GALNT15: variants seen among roughly 807,000 people sequenced by gnomAD.
GALNT15 encodes the protein UDP-GalNAc transferase T15.
A neutral mutation model predicts 66.8 loss-of-function variants in GALNT15; 67 were observed. The ratio of observed to expected loss-of-function variants is 1.00; its 90% CI spans 0.82 to 1.23. The LOEUF (loss-of-function observed/expected upper bound fraction) is 1.23. Among genes scored for constraint, GALNT15 ranks in the 50% most tolerant of loss-of-function variants. GALNT15 has a pLI of 0.00. For missense variants in GALNT15, 827 were observed against 804.3 expected (o/e 1.03, Z -0.34); for synonymous variants, 313 against 311.5 (o/e 1.00, Z -0.05).
At chr3:16,201,901 A>G (rs974854679) in intron 3 of GALNT15, among the ~76,000 whole-genome samples, 1 of 152,230 alleles carries the variant, frequency 6.6e-6, no homozygotes, top group African/African-American at 2.4e-5. Context: ...CCTCAGGCAT[A>G]CCACTTGGAG....
At position 16,186,188 on chromosome 3, in the gene GALNT15, C is replaced by T. The variant is rs986731004; in HGVS notation, c.540-9572C>T. Among the ~76,000 whole-genome samples, 1 of 152,042 alleles carries T rather than the reference C, an allele frequency of 6.6e-6. No homozygotes were observed. The highest frequency in any genetic ancestry group is 1.5e-5 in the Non-Finnish European group (1 of 68,006). On this transcript the variant is annotated intron_variant, in intron 1 of 9. Transcript: ENST00000339732. The surrounding 1 kb of genome is among the most constrained non-coding windows in gnomAD (Gnocchi z 5.1). ...AGACATAAAAATGGTCAATAGCACA[C>T]GAAAAGATGTTCAAATCATTAGTCA...
rs765396757 is a variant in GALNT15 at position 16,219,377 on chromosome 3, C to T, written c.1393-26C>T. The T allele has an allele frequency of 6.2e-7, 1 of 1,611,924 alleles. No individual in the cohort carries two copies. The highest frequency in any genetic ancestry group is 8.5e-7 in the Non-Finnish European group (1 of 1,178,890). On this transcript the variant is annotated intron_variant, in intron 6 of 9. Transcript: ENST00000339732. The surrounding 1 kb of genome is among the most constrained non-coding windows in gnomAD (Gnocchi z 4.3). Reference sequence around the variant, plus strand: ...TCTGGGCAAGACAAGCTTTCATCATCCTGCTTGTGTCTTTCTCCTCCCCAG... The same window carrying T: ...TCTGGGCAAGACAAGCTTTCATCATTCTGCTTGTGTCTTTCTCCTCCCCAG...
the GALNT15 span, among the ~76,000 whole-genome samples, chr3:16,245,221 G>A: frequency 2.0e-5 from 3 of 152,088 alleles, no homozygotes; most frequent in South Asian, 2.1e-4. Context: ...TTATATTGGC[G>A]CCTCCTTCTG....
Position 16,200,274 on chromosome 3 carries a change from C to A in GALNT15, c.707-345C>A, listed in dbSNP as rs11128787. The stretch of plus-strand genomic sequence containing the variant: ...GCCACATAGGGATTATGGGGATTAC[C>A]ACTCAAGATGAGATCTGGGTGGGGA... On this transcript the variant is annotated intron_variant, in intron 2 of 9. Transcript: ENST00000339732. This position sits in a 1 kb window ranked among gnomAD's most constrained non-coding sequence, Gnocchi z 4.4. Among the ~76,000 whole-genome samples the A allele has an allele frequency of 0.88, 133,533 of 152,042 alleles. 59,076 individuals carry two copies. Among genetic ancestry groups the A allele is most frequent in the East Asian group, 0.99 (5,150 of 5,176 alleles).
At chr3:16,208,401 G>T (rs567502162) in intron 3 of GALNT15, 102 bp from the exon 4 acceptor site, 5 of 1,122,792 alleles carry the variant, frequency 4.5e-6, no homozygotes, top group Admixed American at 2.1e-5. Flanking sequence ...TTAGGTACGG[G>T]TGTCTGGTAG....
At position 16,193,150 on chromosome 3, in the gene GALNT15, A is replaced by T. The variant is rs1440176743; in HGVS notation, c.540-2610A>T. ...GAATTGAAAGAAAAAATTACTAGAA[A>T]GAGTGTTGCTTTCCCCAAAAACCTT... On this transcript the variant is annotated intron_variant, in intron 1 of 9. Transcript: ENST00000339732. This position sits in a 1 kb window ranked among gnomAD's most constrained non-coding sequence, Gnocchi z 4.7. Among the ~76,000 whole-genome samples the T allele has an allele frequency of 6.6e-6, 1 of 152,226 alleles. No individual in the cohort carries two copies. The highest frequency in any genetic ancestry group is 1.5e-5 in the Non-Finnish European group (1 of 68,038).
chr3:16,199,024 C>G (rs1184496468), intron 2 of GALNT15, among the ~76,000 whole-genome samples: 1 of 142,710 alleles, frequency 7.0e-6, no homozygotes, highest in Non-Finnish European at 1.6e-5. Flanking sequence ...AGGCCCTGCA[C>G]TAAGGGTTAG....
the GALNT15 span, among the ~76,000 whole-genome samples, chr3:16,246,191 C>T: frequency 2.6e-5 from 4 of 152,150 alleles, no homozygotes; most frequent in Non-Finnish European, 4.4e-5. Flanking sequence ...CGCAAGTTGG[C>T]CCCTACAACC....
At chr3:16,210,597 T>C (rs943732182) in intron 4 of GALNT15, among the ~76,000 whole-genome samples, 2 of 152,244 alleles carry the variant, frequency 1.3e-5, no homozygotes, top group Non-Finnish European at 2.9e-5. Context: ...CTTGTGTTTA[T>C]AAATCATGTA....
chr3:16,196,172 C>G (rs12632481), intron 2 of GALNT15, among the ~76,000 whole-genome samples: 3 of 152,204 alleles, frequency 2.0e-5, no homozygotes, highest in East Asian at 3.9e-4. Flanking sequence ...TGGGGAGGGT[C>G]TTGAGGGGTG....
At chr3:16,245,185 A>G in the GALNT15 span, among the ~76,000 whole-genome samples, 1 of 152,214 alleles carries the variant, frequency 6.6e-6, no homozygotes, top group East Asian at 1.9e-4. Context: ...GGGTCAACAG[A>G]ATCAAGTGGC....
In GALNT15 at chr3:16,199,675, A is replaced by G. The variant is rs953228049; in HGVS notation, c.707-944A>G. Among the ~76,000 whole-genome samples the G allele has an allele frequency of 1.0e-4, 10 of 97,362 alleles. 1 individual carries two copies. The highest frequency in any genetic ancestry group is 1.4e-4 in the Non-Finnish European group (6 of 43,098). The allele number at this position is 97,362 out of a possible 152,430, so 63.9% of individuals were successfully genotyped here. Reference sequence around the variant, plus strand: ...AAATATGTGGTTTCAGGTGAAGTCCAGCCATAGCCTGATCCCATGGGGGAC... The same window carrying G: ...AAATATGTGGTTTCAGGTGAAGTCCGGCCATAGCCTGATCCCATGGGGGAC... On this transcript the variant is annotated intron_variant, in intron 2 of 9. Transcript: ENST00000339732.
rs1374447338 is a variant in GALNT15, at chr3:16,211,279, C to A, written c.1197+38C>A. On this transcript the variant is annotated intron_variant, in intron 5 of 9. Transcript: ENST00000339732. This position sits in a 1 kb window ranked among gnomAD's most constrained non-coding sequence, Gnocchi z 4.3. ...CCAAGGGAGGACAGAGGTGGGATCT[C>A]TGGAGTGGTGTGTATGGTCACAGCT... 7.5e-7 allele frequency: 1 copy of A among 1,331,432 alleles called. No individual in the cohort carries two copies. The highest frequency in any genetic ancestry group is 1.1e-6 in the Non-Finnish European group (1 of 922,652). 82.5% of individuals were successfully genotyped at this position (1,331,432 alleles called of 1,614,324 possible). A position where few individuals can be genotyped will look rare whatever the true frequency, so the allele number is the denominator to read the frequency against.
the GALNT15 span, chr3:16,243,880 G>A: frequency 2.6e-6 from 1 of 382,916 alleles, no homozygotes; most frequent in Non-Finnish European, 3.6e-6. Context: ...GTGTGGTCTT[G>A]TTGTCTCACT....
At position 16,188,138 on chromosome 3, in the gene GALNT15, C is replaced by T. The variant is rs1030727594; in HGVS notation, c.540-7622C>T. ...CTAGCACATCTAGCCTCACGCTCTTCCCCCCAGACCATTATCCTGGCTCCG... is the reference window on the plus strand; with the variant it reads ...CTAGCACATCTAGCCTCACGCTCTTTCCCCCAGACCATTATCCTGGCTCCG... On this transcript the variant is annotated intron_variant, in intron 1 of 9. Transcript: ENST00000339732. This position sits in a 1 kb window ranked among gnomAD's most constrained non-coding sequence, Gnocchi z 4.6. Among the ~76,000 whole-genome samples the T allele has an allele frequency of 6.6e-6, 1 of 152,160 alleles. No individual in the cohort carries two copies. Among genetic ancestry groups the T allele is most frequent in the Admixed American group, 6.5e-5 (1 of 15,280 alleles).
In GALNT15 at chr3:16,176,877, G is replaced by A. The variant is rs1256948791; in HGVS notation, c.539+1187G>A. 6.6e-6 allele frequency among the ~76,000 whole-genome samples: 1 copy of A among 152,120 alleles called. No individual in the cohort carries two copies. Among genetic ancestry groups the A allele is most frequent in the Non-Finnish European group, 1.5e-5 (1 of 68,034 alleles). ...ACACTCGAGGGTGTGCAATTGCAGGGTCAGCAGCCGGGAGTGAACATCTCC... is the reference window on the plus strand; with the variant it reads ...ACACTCGAGGGTGTGCAATTGCAGGATCAGCAGCCGGGAGTGAACATCTCC... On this transcript the variant is annotated intron_variant, in intron 1 of 9. Coordinates refer to ENST00000339732, the MANE Select transcript of GALNT15 (RefSeq NM_054110.5). The surrounding 1 kb of genome is among the most constrained non-coding windows in gnomAD (Gnocchi z 5.6).
the GALNT15 span, among the ~76,000 whole-genome samples, chr3:16,241,740 G>C: frequency 6.6e-6 from 1 of 152,094 alleles, no homozygotes; most frequent in East Asian, 1.9e-4. The surrounding 1 kb of genome is among the most constrained non-coding windows in gnomAD (Gnocchi z 4.6). Flanking sequence ...TAGACATGGG[G>C]TTTCACCTTG....
rs1468344021 is a variant in GALNT15 at position 16,181,095 on chromosome 3, G to A, written c.539+5405G>A. On this transcript the variant is annotated intron_variant, in intron 1 of 9. Coordinates refer to ENST00000339732, the MANE Select transcript of GALNT15 (RefSeq NM_054110.5). This position sits in a 1 kb window ranked among gnomAD's most constrained non-coding sequence, Gnocchi z 5.9. ...ATATTCTTGAGTAAATGGCCTAGGAGTAAGTTGGAGTGATGGAGAAAAATG... is the reference window on the plus strand; with the variant it reads ...ATATTCTTGAGTAAATGGCCTAGGAATAAGTTGGAGTGATGGAGAAAAATG... Among the ~76,000 whole-genome samples the A allele has an allele frequency of 6.6e-6, 1 of 152,208 alleles. No individual in the cohort carries two copies. The highest frequency in any genetic ancestry group is 1.9e-4 in the East Asian group (1 of 5,192).
rs1215447342 is a variant in GALNT15, at chr3:16,193,551, C to T, written c.540-2209C>T. ...GGAATTCTGCTTACCATTACCTAGA[C>T]TCAATTCTCCCTCTCTACACAGGAT... is the stretch of plus-strand genomic sequence containing the variant. On this transcript the variant is annotated intron_variant, in intron 1 of 9. Coordinates refer to ENST00000339732, the MANE Select transcript of GALNT15 (RefSeq NM_054110.5). The surrounding 1 kb of genome is among the most constrained non-coding windows in gnomAD (Gnocchi z 4.7). 6.6e-6 allele frequency among the ~76,000 whole-genome samples: 1 copy of T among 152,134 alleles called. No individual in the cohort carries two copies. Among genetic ancestry groups the T allele is most frequent in the African/African-American group, 2.4e-5 (1 of 41,436 alleles).
Sources: allele counts gnomAD v4.1 joint callset (sites outside exome capture counted in the v4.1 genomes callset), GRCh38; gene constraint gnomAD v4.1.1; non-coding constraint Gnocchi (gnomAD v3.1); transcripts MANE v1.5; gene names NCBI Gene and HGNC (gene_info 2026-07-23, HGNC 2026-07-21).